The following ERP27 variants were observed in gnomAD, a reference collection of about 807,000 sequenced individuals.
The protein encoded by ERP27 is endoplasmic reticulum protein 27, also known as endoplasmic reticulum resident protein 27.
ERP27 carries 23 observed loss-of-function variants against 27.7 expected under a neutral mutation model. The ratio of observed to expected loss-of-function variants is 0.83; its 90% CI spans 0.60 to 1.18. The LOEUF is 1.18. ERP27 is among the 50% of genes most tolerant of loss of function. ERP27 has a pLI of 0.00. For synonymous variants in ERP27, 159 were observed against 118.3 expected (o/e 1.34, Z -2.23); for missense variants, 363 against 327.9 (o/e 1.11, Z -0.83).
chr12:14,926,209 C>A (rs1863600120), intron 3 of ERP27, among the ~76,000 whole-genome samples: 1 of 152,144 alleles, frequency 6.6e-6, no homozygotes, highest in Non-Finnish European at 1.5e-5. Context: ...ATCTGTCTGG[C>A]AAATTGAAAC....
intron 3 of ERP27, among the ~76,000 whole-genome samples, chr12:14,928,355 G>A (rs114186324): frequency 0.012 from 1,778 of 152,250 alleles, 46 homozygotes; most frequent in African/African-American, 0.04. Context: ...TTGTCATCCC[G>A]GTGATGATTC....
In ERP27 at chr12:14,917,294, C is replaced by T; in HGVS notation, c.460G>A (p.Gly154Arg). 1 of 1,614,092 alleles carries T rather than the reference C, an allele frequency of 6.2e-7. No individual in the cohort carries two copies. Among genetic ancestry groups the T allele is most frequent in the Non-Finnish European group, 8.5e-7 (1 of 1,179,988 alleles). The change falls in exon 5 of 7, where the codon GGG becomes AGG. Residue 154 changes from glycine to arginine, a missense_variant. Transcript: ENST00000266397. ...ATCTGAATTACGCTGTTGAATAACC[C>T]AATCACAGTCTGGCAAGTCGAAATG... is the stretch of plus-strand genomic sequence containing the variant. ...VTEYNPVTVIGLFNSVIQIHL... is the reference protein window; with the variant it reads ...VTEYNPVTVIRLFNSVIQIHL...
At chr12:14,934,606 C>A (rs546015343) in intron 3 of ERP27, among the ~76,000 whole-genome samples, 1 of 152,194 alleles carries the variant, frequency 6.6e-6, no homozygotes, top group African/African-American at 2.4e-5. Context: ...TGCCCAAAGT[C>A]ATGTGGCTGT....
Position 14,929,175 on chromosome 12 carries a change from A to G in ERP27, c.333+5681T>C, listed in dbSNP as rs1592277519. On this transcript the variant is annotated intron_variant, in intron 3 of 6. Transcript: ENST00000266397. ...TGTACTCTTTTCCGGGCAGTCCTTC[A>G]TACTTCCCAGAACAGGGAGAACAAG... 6 of 1,370,670 alleles carry G rather than the reference A, an allele frequency of 4.4e-6. No individual in the cohort carries two copies. In the East Asian group the frequency reaches 7.6e-5, roughly 17 times the overall value. 84.9% of individuals were successfully genotyped at this position (1,370,670 alleles called of 1,614,324 possible).
At chr12:14,929,446 T>A (rs1863663937) in intron 3 of ERP27, among the ~76,000 whole-genome samples, 1 of 152,042 alleles carries the variant, frequency 6.6e-6, no homozygotes, top group Admixed American at 6.6e-5. Context: ...GAACAGGAAA[T>A]CTCCCTCTGT....
intron 6 of ERP27, 53 bp from the exon 7 acceptor site, chr12:14,914,835 C>G: frequency 7.3e-7 from 1 of 1,361,188 alleles, no homozygotes; most frequent in African/African-American, 1.4e-5. Flanking sequence ...GCTGTTTACT[C>G]CTGGAAGTCC....
At chr12:14,928,772 AC>A (rs1863650784) in intron 3 of ERP27, among the ~76,000 whole-genome samples, 1 of 152,230 alleles carries the variant, frequency 6.6e-6, no homozygotes, top group Admixed American at 6.5e-5. Flanking sequence ...TTGGGAAAAA[AC>A]AAAACAAAAC....
intron 6 of ERP27, 74 bp downstream of exon 6, chr12:14,915,415 G>T (rs1448420852): frequency 1.2e-5 from 18 of 1,524,026 alleles, no homozygotes; most frequent in Admixed American, 1.8e-5. Context: ...TGAGCCCAAA[G>T]AATTCTTATT....
At chr12:14,932,687 A>G (rs900614681) in intron 3 of ERP27, among the ~76,000 whole-genome samples, 1 of 152,274 alleles carries the variant, frequency 6.6e-6, no homozygotes, top group Non-Finnish European at 1.5e-5. Context: ...ATACCATTTT[A>G]GAAACTGTAT....
chr12:14,919,045 C>T (rs914813085), intron 4 of ERP27, among the ~76,000 whole-genome samples: 13 of 152,122 alleles, frequency 8.5e-5, no homozygotes, highest in South Asian at 2.1e-4. Flanking sequence ...GACACCTTGA[C>T]GCCAAGTACT....
At chr12:14,929,360 A>G (rs1414976844) in intron 3 of ERP27, among the ~76,000 whole-genome samples, 1 of 152,192 alleles carries the variant, frequency 6.6e-6, no homozygotes, top group Non-Finnish European at 1.5e-5. Flanking sequence ...TTAAGAAAAC[A>G]TGCCCGATCT....
intron 3 of ERP27, 141 bp from the exon 4 acceptor site, chr12:14,921,189 G>C (rs1375229303): frequency 4.5e-6 from 3 of 661,432 alleles, no homozygotes; most frequent in Non-Finnish European, 7.8e-6. Flanking sequence ...CTGCCCTAGG[G>C]GGACAAACTG....
chr12:14,921,246 G>A (rs1015339087), intron 3 of ERP27, among the ~76,000 whole-genome samples, 198 bp from the exon 4 acceptor site: 4 of 152,176 alleles, frequency 2.6e-5, no homozygotes, highest in Non-Finnish European at 1.5e-5. Flanking sequence ...ACATGATGTG[G>A]CAGGTGTCAT....
At chr12:14,918,702 T>C (rs1425280056) in intron 4 of ERP27, among the ~76,000 whole-genome samples, 2 of 152,194 alleles carry the variant, frequency 1.3e-5, no homozygotes, top group African/African-American at 4.8e-5. Flanking sequence ...TTCTTCCTGA[T>C]TTTTTACACA....
Position 14,937,963 on chromosome 12 carries a change from C to T in ERP27, c.184G>A (p.Gly62Ser), listed in dbSNP as rs1184479818. 6.2e-7 allele frequency: 1 copy of T among 1,613,938 alleles called. No homozygotes were observed. The highest frequency in any genetic ancestry group is 8.5e-7 in the Non-Finnish European group (1 of 1,179,886). ...FIAATEVAVIGFFQDLEIPAV... is the reference protein window; with the variant it reads ...FIAATEVAVISFFQDLEIPAV... Reference sequence around the variant, plus strand: ...AGTAGGGAACTAACCTGGAAGAAGCCTATGACAGCCACCTCAGTGGCAGCA... The same window carrying T: ...AGTAGGGAACTAACCTGGAAGAAGCTTATGACAGCCACCTCAGTGGCAGCA... The change falls in exon 2 of 7, where the codon GGC becomes AGC. Residue 62 changes from glycine to serine, a missense_variant. Physicochemically the swap from Gly to Ser is moderately conservative, Grantham distance 56. Coordinates refer to ENST00000266397, the MANE Select transcript of ERP27 (RefSeq NM_152321.4).
intron 3 of ERP27, among the ~76,000 whole-genome samples, chr12:14,928,153 A>G (rs1196566591): frequency 6.6e-6 from 1 of 152,092 alleles, no homozygotes; most frequent in Non-Finnish European, 1.5e-5. Context: ...TTTCCCCTCC[A>G]TGTGCTATCT....
chr12:14,920,966 T>C lies in ERP27; in HGVS notation c.416A>G (p.Asn139Ser). Residue 139 changes from asparagine (N) to serine (S), a missense_variant, in exon 4 of 7, where the codon AAC (asparagine) becomes AGC (serine). Physicochemically the swap from Asn to Ser is conservative, Grantham distance 46. Coordinates refer to ENST00000266397, the MANE Select transcript of ERP27 (RefSeq NM_152321.4). ...ATKLSRFIEI[N>S]SLHMVTEYNP... ...GTACTCTGTCACCATGTGGAGGCTGTTGATCTCAATGAAACGGCTCAATTT... is the reference window on the plus strand; with the variant it reads ...GTACTCTGTCACCATGTGGAGGCTGCTGATCTCAATGAAACGGCTCAATTT... The C allele has an allele frequency of 6.2e-7, 1 of 1,614,142 alleles. No homozygotes were observed. The highest frequency in any genetic ancestry group is 1.1e-5 in the South Asian group (1 of 91,088).
chr12:14,915,400 C>G (rs1376986867), intron 6 of ERP27, 89 bp downstream of exon 6: 1 of 1,422,388 alleles, frequency 7.0e-7, no homozygotes, highest in African/African-American at 1.4e-5. Context: ...GCTCTCCTCC[C>G]TCTCTGAGCC....
intron 2 of ERP27, 75 bp downstream of exon 2, chr12:14,937,877 C>T: frequency 8.1e-7 from 1 of 1,238,552 alleles, no homozygotes; most frequent in Non-Finnish European, 1.2e-6. Context: ...CATCTGCCAG[C>T]AGCAGGTGGC....
Sources: gnomAD v4.1 joint callset for allele counts (sites outside exome capture counted in the v4.1 genomes callset) on GRCh38, gnomAD v4.1.1 for gene constraint, MANE v1.5 for transcripts, NCBI Gene and HGNC (gene_info 2026-07-23, HGNC 2026-07-21) for gene names.